Variants in SAMD12 observed in about 807,000 individuals in gnomAD.
SAMD12 encodes the protein sterile alpha motif domain containing 12.
Under a neutral mutation model 15.0 loss-of-function variants are expected in SAMD12, and 9 were observed. The ratio of observed to expected loss-of-function variants is 0.60; its 90% CI spans 0.36 to 1.05. The LOEUF (loss-of-function observed/expected upper bound fraction) is 1.05. Ranked by LOEUF, SAMD12 falls within the 50% of genes least tolerant of loss-of-function variation. The pLI is 0.01. For missense variants in SAMD12, 230 were observed against 234.2 expected (o/e 0.98, Z 0.12); for synonymous variants, 86 against 90.1 (o/e 0.96, Z 0.25).
chr8:118,472,013 C>T (rs193281267), intron 2 of SAMD12, among the ~76,000 whole-genome samples: 121 of 152,132 alleles, frequency 8.0e-4, no homozygotes, highest in Non-Finnish European at 1.5e-3. Context: ...ATAGGCCGGG[C>T]GCGGTGGCTC....
intron 2 of SAMD12, among the ~76,000 whole-genome samples, chr8:118,515,842 C>G (rs1036964091): frequency 6.6e-6 from 1 of 152,236 alleles, no homozygotes; most frequent in Admixed American, 6.5e-5. Context: ...ACTTTGAATG[C>G]CTTCACTCAA....
intron 2 of SAMD12, among the ~76,000 whole-genome samples, chr8:118,480,631 G>C (rs562940813): frequency 6.6e-6 from 1 of 152,094 alleles, no homozygotes; most frequent in Non-Finnish European, 1.5e-5. Flanking sequence ...TCACTGACTT[G>C]GGCCCCCTCA....
At chr8:118,579,979 GA>G (rs1257514931) in intron 2 of SAMD12, among the ~76,000 whole-genome samples, 2 of 152,122 alleles carry the variant, frequency 1.3e-5, no homozygotes, top group Non-Finnish European at 2.9e-5. Context: ...CTACCCCACA[GA>G]ATCCAAGTTT....
intron 2 of SAMD12, among the ~76,000 whole-genome samples, chr8:118,513,348 A>C (rs1825139476): frequency 1.3e-5 from 2 of 152,340 alleles, no homozygotes; most frequent in East Asian, 3.9e-4. Flanking sequence ...ATTGATCAAG[A>C]CATATTAAAA....
rs374855071 is a variant in SAMD12, at chr8:118,420,002, A to G, written c.322+19830T>C. Among the ~76,000 whole-genome samples, 9 of 152,338 alleles carry G rather than the reference A, an allele frequency of 5.9e-5. No individual in the cohort carries two copies. The East Asian group carries it at 9.6e-4, about 16-fold the overall frequency. ...TTTGGAAGAACCTTGGAGAAGAGAG[A>G]GGCTGACAGAAAGAAAACTTTCAAA... is the stretch of plus-strand genomic sequence containing the variant. On this transcript the variant is annotated intron_variant, in intron 3 of 3. Coordinates refer to ENST00000314727, the MANE Select transcript of SAMD12 (RefSeq NM_207506.3).
exon 5 of SAMD12, chr8:118,196,927 C>T (rs931711392): frequency 6.6e-6 from 1 of 152,116 alleles, no homozygotes; most frequent in African/African-American, 2.4e-5. Context: ...CACTGGACCC[C>T]CTTCTTCTTC....
At chr8:118,594,449 G>A (rs908112861) in intron 1 of SAMD12, among the ~76,000 whole-genome samples, 5 of 152,084 alleles carry the variant, frequency 3.3e-5, no homozygotes, top group African/African-American at 4.8e-5. Flanking sequence ...CCCCTATTTT[G>A]AAAACTACGA....
At chr8:118,182,430 GCTT>G in the SAMD12 span, among the ~76,000 whole-genome samples, 4 of 152,098 alleles carry the variant, frequency 2.6e-5, no homozygotes, top group African/African-American at 9.7e-5. Flanking sequence ...GAAATTTATG[GCTT>G]CTTTTTTAAT....
At chr8:118,607,986 A>T (rs1033353629) in intron 1 of SAMD12, among the ~76,000 whole-genome samples, 1 of 152,090 alleles carries the variant, frequency 6.6e-6, no homozygotes, top group Non-Finnish European at 1.5e-5. Context: ...TTCAGTTAAC[A>T]TGTTTCTAGG....
intron 4 of SAMD12, among the ~76,000 whole-genome samples, chr8:118,279,897 A>G (rs1334981167): frequency 1.3e-5 from 2 of 152,234 alleles, no homozygotes; most frequent in African/African-American, 4.8e-5. Flanking sequence ...TTGGTGAAGT[A>G]GGTCACTTGA....
At chr8:118,189,026 C>T (rs888885845), downstream of SAMD12, among the ~76,000 whole-genome samples, 1 of 152,106 alleles carries the variant, frequency 6.6e-6, no homozygotes, top group African/African-American at 2.4e-5. Context: ...ATCAATCATA[C>T]TATTATTAGC....
intron 2 of SAMD12, among the ~76,000 whole-genome samples, chr8:118,524,253 T>G (rs897846123): frequency 1.2e-4 from 18 of 152,086 alleles, no homozygotes; most frequent in African/African-American, 4.3e-4. Flanking sequence ...CACCAATGAC[T>G]CCACATTGCT....
At chr8:118,420,166 A>G (rs369532261) in intron 3 of SAMD12, among the ~76,000 whole-genome samples, 41 of 152,314 alleles carry the variant, frequency 2.7e-4, no homozygotes, top group African/African-American at 9.6e-4. Flanking sequence ...AAAGTGAAGA[A>G]ATCTGATAAC....
intron 2 of SAMD12, among the ~76,000 whole-genome samples, chr8:118,544,522 C>G (rs1326152799): frequency 6.6e-6 from 1 of 152,150 alleles, no homozygotes; most frequent in African/African-American, 2.4e-5. Flanking sequence ...TTTGCGAGGG[C>G]TGAAAGTCAG....
chr8:118,467,622 T>C (rs1186669650), intron 2 of SAMD12, among the ~76,000 whole-genome samples: 1 of 152,162 alleles, frequency 6.6e-6, no homozygotes, highest in African/African-American at 2.4e-5. Context: ...GTCCTTTACT[T>C]TACAAGCTTG....
the SAMD12 span, among the ~76,000 whole-genome samples, chr8:118,158,929 TA>T: frequency 6.6e-6 from 1 of 152,062 alleles, no homozygotes; most frequent in Admixed American, 6.5e-5. Context: ...TACAGCTCAA[TA>T]AAGCACCTCT....
At chr8:118,593,708 T>C (rs1015809878) in intron 1 of SAMD12, among the ~76,000 whole-genome samples, 2 of 152,216 alleles carry the variant, frequency 1.3e-5, no homozygotes, top group Non-Finnish European at 2.9e-5. Context: ...AATGTGTTTT[T>C]TTCTGTAAAT....
At chr8:118,164,975 ATGTGTG>A in the SAMD12 span, among the ~76,000 whole-genome samples, 50 of 144,222 alleles carry the variant, frequency 3.5e-4, no homozygotes, top group Admixed American at 1.2e-3. Flanking sequence ...CTGACACTAG[ATGTGTG>A]TGTGTGTGTG....
chr8:118,153,195 T>G, the SAMD12 span, among the ~76,000 whole-genome samples: 1 of 152,196 alleles, frequency 6.6e-6, no homozygotes, highest in Non-Finnish European at 1.5e-5. Flanking sequence ...TTGGGTGGCT[T>G]GGGTTCAGAT....
Sources: allele counts gnomAD v4.1 joint callset (sites outside exome capture counted in the v4.1 genomes callset), GRCh38; gene constraint gnomAD v4.1.1; transcripts MANE v1.5; gene names NCBI Gene and HGNC (gene_info 2026-07-23, HGNC 2026-07-21).